Variants in DENR observed in about 807,000 individuals in gnomAD.
DENR encodes density-regulated protein.
In DENR, 6 loss-of-function variants were observed where a neutral mutation model predicts 30.6. The ratio of observed to expected loss-of-function variants is 0.20; its 90% CI spans 0.11 to 0.39. The LOEUF (loss-of-function observed/expected upper bound fraction) is 0.39. Among genes scored for constraint, DENR ranks in the 10% least tolerant of loss-of-function variants. The pLI, the probability that DENR is intolerant of heterozygous loss-of-function variation, is 1.00. For missense variants in DENR, 141 were observed against 230.9 expected, an observed-to-expected ratio of 0.61 and a Z score of 2.52; for synonymous variants, 78 against 72.1, an observed-to-expected ratio of 1.08 and a Z score of -0.41.
intron 4 of DENR, among the ~76,000 whole-genome samples, chr12:122,764,939 C>T (rs1484220986): frequency 6.6e-6 from 1 of 152,144 alleles, no homozygotes; most frequent in Non-Finnish European, 1.5e-5. Flanking sequence ...CGGGACCTTC[C>T]TGGGATAGGA....
chr12:122,753,395 C>G (rs1878466258), intron 1 of DENR, among the ~76,000 whole-genome samples: 1 of 152,156 alleles, frequency 6.6e-6, no homozygotes. Context: ...TGCTCCGTGT[C>G]TGCCGTGGGT....
Position 122,770,558 on chromosome 12 carries a change from G to A in DENR, c.*1480G>A, listed in dbSNP as rs1181955120. Reference sequence around the variant, plus strand: ...TGCTCAATATATAGTCCTGGAAATAGCAATTGAAACATGTCTTCTCACAAG... The same window carrying A: ...TGCTCAATATATAGTCCTGGAAATAACAATTGAAACATGTCTTCTCACAAG... On this transcript the variant is annotated 3_prime_UTR_variant, in exon 8 of 8. Coordinates refer to ENST00000280557, the MANE Select transcript of DENR (RefSeq NM_003677.5). The A allele has an allele frequency of 1.0e-5, 4 of 398,182 alleles. No homozygotes were observed. The highest frequency in any genetic ancestry group is 7.1e-5 in the East Asian group (2 of 28,034). The allele number at this position is 398,182 out of a possible 1,614,324, so 24.7% of individuals were successfully genotyped here. A position where few individuals can be genotyped will look rare whatever the true frequency, so the allele number is the denominator to read the frequency against.
chr12:122,760,056 T>G (rs12321556), intron 2 of DENR, among the ~76,000 whole-genome samples: 19,955 of 152,128 alleles, frequency 0.13, 2,232 homozygotes, highest in African/African-American at 0.29. Context: ...TGGTAGCATG[T>G]TAGAATGTTA....
At chr12:122,763,081 A>C (rs1878746356) in intron 4 of DENR, 152 bp downstream of exon 4, 1 of 570,034 alleles carries the variant, frequency 1.8e-6, no homozygotes, top group African/African-American at 1.9e-5. Flanking sequence ...GAGATAGGAT[A>C]GGTCTGAATA....
At chr12:122,768,955 A>G in intron 7 of DENR, 34 bp downstream of exon 7, 1 of 1,603,974 alleles carries the variant, frequency 6.2e-7, no homozygotes. Context: ...CGCTAGAGAT[A>G]AGTTTTTAAA....
chr12:122,766,851 T>C (rs1365847724), intron 5 of DENR, among the ~76,000 whole-genome samples: 2 of 152,204 alleles, frequency 1.3e-5, no homozygotes, highest in South Asian at 2.1e-4. Context: ...GGGGCCTTTC[T>C]ATCAGTCTTA....
intron 5 of DENR, 146 bp downstream of exon 5, chr12:122,765,533 C>A (rs979703280): frequency 7.3e-6 from 5 of 683,114 alleles, no homozygotes; most frequent in Non-Finnish European, 1.2e-5. Context: ...AGGAGGATCA[C>A]TTAAGCCCAG....
At chr12:122,754,065 G>T in intron 2 of DENR, 1 of 492,692 alleles carries the variant, frequency 2.0e-6, no homozygotes, top group Non-Finnish European at 3.7e-6. Flanking sequence ...CAGCCTGAAG[G>T]TCCTCAAGGT....
chr12:122,763,470 C>T (rs1312000213), intron 4 of DENR, among the ~76,000 whole-genome samples: 1 of 151,930 alleles, frequency 6.6e-6, no homozygotes, highest in Non-Finnish European at 1.5e-5. Context: ...CTTTGGGAGG[C>T]TGAGGCGGGT....
At chr12:122,767,828 T>C (rs1878887144) in intron 6 of DENR, among the ~76,000 whole-genome samples, 1 of 152,236 alleles carries the variant, frequency 6.6e-6, no homozygotes, top group Non-Finnish European at 1.5e-5. Flanking sequence ...GAATTCCTGC[T>C]TGGGCACATT....
chr12:122,757,351 G>A (rs1177735651), intron 2 of DENR, among the ~76,000 whole-genome samples: 1 of 152,158 alleles, frequency 6.6e-6, no homozygotes, highest in Non-Finnish European at 1.5e-5. Flanking sequence ...TGGAAACTGA[G>A]CTTAACTGGG....
chr12:122,754,383 C>T (rs780244394), intron 2 of DENR: 2 of 152,530 alleles, frequency 1.3e-5, no homozygotes, highest in Non-Finnish European at 2.9e-5. Flanking sequence ...TTTTCACTTT[C>T]GAGTGTTTTT....
At chr12:122,755,511 A>G (rs1260123) in intron 2 of DENR, among the ~76,000 whole-genome samples, 142,052 of 152,156 alleles carry the variant, frequency 0.93, 66,462 homozygotes, top group East Asian at 0.99. Context: ...CCCGGGAGGC[A>G]GAGGTTGCAG....
In DENR at chr12:122,769,377, G is replaced by C. The variant is rs1878968360; in HGVS notation, c.*299G>C. On this transcript the variant is annotated 3_prime_UTR_variant, in exon 8 of 8. Coordinates refer to ENST00000280557, the MANE Select transcript of DENR (RefSeq NM_003677.5). The stretch of plus-strand genomic sequence containing the variant: ...TGTCCTCGTCCTTGGCATTTTCACT[G>C]TTCTGTACAAGGCTGCTTGTTTTTT... 3 of 990,424 alleles carry C rather than the reference G, an allele frequency of 3.0e-6. No individual in the cohort carries two copies. The highest frequency in any genetic ancestry group is 3.6e-6 in the Non-Finnish European group (3 of 833,814). 61.4% of individuals were successfully genotyped at this position (990,424 alleles called of 1,614,324 possible).
At chr12:122,761,351 G>A (rs1878694130) in intron 2 of DENR, among the ~76,000 whole-genome samples, 1 of 152,148 alleles carries the variant, frequency 6.6e-6, no homozygotes. Context: ...GACAGAAGTT[G>A]CAGTGAGCCG....
Position 122,770,706 on chromosome 12 carries a change from A to G in DENR, c.*1628A>G. On this transcript the variant is annotated 3_prime_UTR_variant, in exon 8 of 8. Coordinates refer to ENST00000280557, the MANE Select transcript of DENR (RefSeq NM_003677.5). ...GACACTTTTAAGAAACTTAGAACCC[A>G]TGGAACCCTTGTTTATCGCCATGCA... 1 of 398,564 alleles carries G rather than the reference A, an allele frequency of 2.5e-6. No individual in the cohort carries two copies. Among genetic ancestry groups the G allele is most frequent in the Non-Finnish European group, 4.4e-6 (1 of 226,028 alleles). The allele number at this position is 398,564 out of a possible 1,614,324, so 24.7% of individuals were successfully genotyped here.
rs1878823969 is a variant in DENR at position 122,765,509 on chromosome 12, TAGG to T, written c.295+123_295+125del. Reference sequence around the variant, plus strand: ...GTGGGCGCCTATAGTCACAGCTTCTTAGGGGGCTGAGGCAGGAGGATCACTTAA... The same window carrying T: ...GTGGGCGCCTATAGTCACAGCTTCTTGGGCTGAGGCAGGAGGATCACTTAA... On this transcript the variant is annotated intron_variant, in intron 5 of 7. Coordinates refer to ENST00000280557, the MANE Select transcript of DENR (RefSeq NM_003677.5). 6.2e-6 allele frequency: 5 copies of T among 804,428 alleles called. No individual in the cohort carries two copies. The South Asian group carries it at 9.0e-5, about 14-fold the overall frequency. 49.8% of individuals were successfully genotyped at this position (804,428 alleles called of 1,614,324 possible).
chr12:122,759,425 C>G (rs960600177), intron 2 of DENR, among the ~76,000 whole-genome samples: 2 of 152,072 alleles, frequency 1.3e-5, no homozygotes, highest in Non-Finnish European at 2.9e-5. Flanking sequence ...TAGAATTTTG[C>G]TGAACCGGGC....
rs767961717 is a variant in DENR, at chr12:122,762,219, A to ATT, written c.126+23_126+24dup. The ATT allele has an allele frequency of 6.0e-5, 71 of 1,175,138 alleles. No homozygotes were observed. Among genetic ancestry groups the ATT allele is most frequent in the Non-Finnish European group, 6.6e-5 (57 of 869,934 alleles). The allele number at this position is 1,175,138 out of a possible 1,614,324, so 72.8% of individuals were successfully genotyped here. On this transcript the variant is annotated intron_variant, in intron 3 of 7. Transcript: ENST00000280557. ...ATTACCAACAGAGGTAAGTTCTTTAATTTTTTTTTTTACCTTATGTATTTG... is the reference window on the plus strand; with the variant it reads ...ATTACCAACAGAGGTAAGTTCTTTAATTTTTTTTTTTTTACCTTATGTATTTG...
Sources: gnomAD v4.1 joint callset for allele counts (sites outside exome capture counted in the v4.1 genomes callset) on GRCh38, gnomAD v4.1.1 for gene constraint, MANE v1.5 for transcripts, NCBI Gene and HGNC (gene_info 2026-07-23, HGNC 2026-07-21) for gene names.